MTIF2: variants seen among roughly 807,000 people sequenced by gnomAD.
MTIF2 encodes mitochondrial translational initiation factor 2.
A neutral mutation model predicts 83.5 loss-of-function variants in MTIF2; 71 were observed. The observed-to-expected ratio is 0.85, with a 90% confidence interval of 0.70 to 1.04. MTIF2 has a LOEUF of 1.04. Ranked by LOEUF, MTIF2 falls within the 50% of genes least tolerant of loss-of-function variation. The pLI is 0.00. For missense variants in MTIF2, 957 were observed against 846.5 expected (o/e 1.13, Z -1.62); for synonymous variants, 319 against 287.1 (o/e 1.11, Z -1.12).
At chr2:55,239,093 G>A (rs57681837) in intron 14 of MTIF2, among the ~76,000 whole-genome samples, 1 of 152,140 alleles carries the variant, frequency 6.6e-6, no homozygotes, top group African/African-American at 2.4e-5. Context: ...AATGGAGCTA[G>A]AGAGATATGA....
At chr2:55,252,120 AT>A (rs1677139304) in intron 8 of MTIF2, among the ~76,000 whole-genome samples, 1 of 152,236 alleles carries the variant, frequency 6.6e-6, no homozygotes, top group Non-Finnish European at 1.5e-5. Flanking sequence ...AAATAACAGA[AT>A]ATAACCACTA....
In MTIF2 at chr2:55,249,302, T is replaced by C. The variant is rs186142002; in HGVS notation, c.981+93A>G. 40 of 1,464,176 alleles carry C rather than the reference T, an allele frequency of 2.7e-5. No individual in the cohort carries two copies. The East Asian group carries it at 9.4e-4, about 34-fold the overall frequency. The allele number at this position is 1,464,176 out of a possible 1,614,324, so 90.7% of individuals were successfully genotyped here. A position where few individuals can be genotyped will look rare whatever the true frequency, so the allele number is the denominator to read the frequency against. On this transcript the variant is annotated intron_variant, in intron 9 of 15. Coordinates refer to ENST00000263629, the MANE Select transcript of MTIF2 (RefSeq NM_002453.3). ...AACTTTTTAAAAACAACACAAATTA[T>C]GTACATCAAAATGTTCTTTAGATGT... is the stretch of plus-strand genomic sequence containing the variant.
intron 2 of MTIF2, among the ~76,000 whole-genome samples, chr2:55,268,306 T>C (rs956953566): frequency 1.3e-5 from 2 of 152,188 alleles, no homozygotes; most frequent in African/African-American, 4.8e-5. Context: ...ACACATTAAA[T>C]ACTTCTAAGA....
rs1676492009 is a variant in MTIF2, at chr2:55,243,721, G to C, written c.1312-53C>G. The C allele has an allele frequency of 1.9e-5, 29 of 1,564,754 alleles. 1 individual carries two copies. In the Middle Eastern group the frequency reaches 5.1e-4, roughly 28 times the overall value. ...ATGAAATAGACATCAATAACTGCTA[G>C]ATTAAAGCCTTTGTGTTGTCCTGCA... On this transcript the variant is annotated intron_variant, in intron 11 of 15. Coordinates refer to ENST00000263629, the MANE Select transcript of MTIF2 (RefSeq NM_002453.3).
chr2:55,243,129 A>G, intron 12 of MTIF2, 49 bp from the exon 13 acceptor site: 3 of 1,515,818 alleles, frequency 2.0e-6, no homozygotes, highest in Non-Finnish European at 2.7e-6. Flanking sequence ...GTTAGACATC[A>G]GCAGACATAA....
intron 5 of MTIF2, among the ~76,000 whole-genome samples, chr2:55,255,376 T>TATATATATTTATATATAGTATTATATATA (rs1265615377): frequency 1.2e-4 from 17 of 147,288 alleles, no homozygotes; most frequent in East Asian, 1.9e-4. Context: ...AAAGATACTA[T>TATATATATTTATATATAGTATTATATATA]ATATATATTT....
chr2:55,244,154 C>A lies in MTIF2; in HGVS notation c.1186G>T (p.Val396Leu). Residue 396 changes from valine to leucine, a missense_variant, in exon 11 of 16, where the codon GTA becomes TTA. This residue lies in a region of MTIF2 where 733 missense variants were observed against 648.7 expected (regional missense o/e 1.13). Transcript: ENST00000263629. ...VLVAGKCWAK[V>L]RLMFDENGKT... ...CCATTTTCATCAAACATTAAGCGTA[C>A]TTTTGCCCAACATTTTCCAGCAACC... 1.2e-6 allele frequency: 2 copies of A among 1,614,130 alleles called. No homozygotes were observed. The highest frequency in any genetic ancestry group is 1.7e-6 in the Non-Finnish European group (2 of 1,180,004).
At chr2:55,268,298 A>C (rs1678587400) in intron 2 of MTIF2, among the ~76,000 whole-genome samples, 2 of 152,184 alleles carry the variant, frequency 1.3e-5, no homozygotes, top group South Asian at 2.1e-4. Context: ...GTATTTACAC[A>C]CATTAAATAC....
chr2:55,252,603 C>A lies in MTIF2; in HGVS notation c.715G>T (p.Ala239Ser), dbSNP rs1278716264. 3.1e-6 allele frequency: 5 copies of A among 1,614,136 alleles called. 1 individual carries two copies. In the South Asian group the frequency reaches 4.4e-5, roughly 14 times the overall value. Reference sequence around the variant, plus strand: ...CTGGCTCTCATTGCTGAGAAAGCAGCATGTCCTGGAGTATCAAGAAAAGTT... The same window carrying A: ...CTGGCTCTCATTGCTGAGAAAGCAGAATGTCCTGGAGTATCAAGAAAAGTT... ...KITFLDTPGHAAFSAMRARGA... is the reference protein window; with the variant it reads ...KITFLDTPGHSAFSAMRARGA... The change falls in exon 8 of 16, where the codon GCT becomes TCT. Residue 239 changes from alanine to serine, a missense_variant. Transcript: ENST00000263629.
intron 14 of MTIF2, 135 bp from the exon 15 acceptor site, chr2:55,237,563 C>T: frequency 3.2e-6 from 2 of 621,206 alleles, no homozygotes; most frequent in Non-Finnish European, 4.8e-6. Flanking sequence ...GTCTGGGTTT[C>T]TTTAACTCCA....
chr2:55,250,306 G>C (rs1253625592), intron 8 of MTIF2, among the ~76,000 whole-genome samples: 3 of 151,674 alleles, frequency 2.0e-5, no homozygotes, highest in Non-Finnish European at 4.4e-5. Context: ...GTGTTAAGTG[G>C]ACCCACACAG....
At chr2:55,242,700 G>A (rs1267942886) in intron 13 of MTIF2, among the ~76,000 whole-genome samples, 5 of 152,104 alleles carry the variant, frequency 3.3e-5, no homozygotes, top group African/African-American at 9.7e-5. Flanking sequence ...AAAGATAAAC[G>A]TGACCAGGTC....
At chr2:55,264,002 C>T (rs1168226117) in intron 3 of MTIF2, 137 bp from the exon 4 acceptor site, 2 of 649,722 alleles carry the variant, frequency 3.1e-6, no homozygotes, top group African/African-American at 3.7e-5. Flanking sequence ...GGGTTCCTGC[C>T]CTGAAAAATC....
At chr2:55,249,672 C>T (rs1241498115) in intron 8 of MTIF2, 138 bp from the exon 9 acceptor site, 3 of 937,578 alleles carry the variant, frequency 3.2e-6, no homozygotes, top group Admixed American at 2.7e-5. Flanking sequence ...GCCAAAATGA[C>T]CCACTTTAGA....
intron 3 of MTIF2, chr2:55,266,562 A>G (rs1436444509): frequency 6.7e-6 from 1 of 149,614 alleles, no homozygotes; most frequent in Non-Finnish European, 1.5e-5. Flanking sequence ...GATTTATCTC[A>G]TAATATGGCA....
chr2:55,252,639 C>G lies in MTIF2; in HGVS notation c.679G>C (p.Gly227Arg). ...GTATCAAGAAAAGTTATCTTTTCCC[C>G]AGAAGGCAGAGAGACTGTGGAAACA... ...IGAFLVSLPS[G>R]EKITFLDTPG... Residue 227 changes from glycine (G) to arginine (R), a missense_variant, in exon 8 of 16, where the codon GGG becomes CGG. By Grantham distance (125) the Gly-to-Arg change is moderately radical (BLOSUM62 -2). Coordinates refer to ENST00000263629, the MANE Select transcript of MTIF2 (RefSeq NM_002453.3). 1 of 1,612,864 alleles carries G rather than the reference C, an allele frequency of 6.2e-7. No individual in the cohort carries two copies. Among genetic ancestry groups the G allele is most frequent in the Non-Finnish European group, 8.5e-7 (1 of 1,179,228 alleles).
chr2:55,247,185 A>G (rs529563226), intron 9 of MTIF2, among the ~76,000 whole-genome samples: 1 of 152,200 alleles, frequency 6.6e-6, no homozygotes, highest in Non-Finnish European at 1.5e-5. Flanking sequence ...TGGTGATGGA[A>G]ATGGAACTGA....
At chr2:55,262,265 C>T (rs780349213) in intron 5 of MTIF2, 51 bp downstream of exon 5, 48 of 1,252,754 alleles carry the variant, frequency 3.8e-5, no homozygotes, top group African/African-American at 1.6e-4. Context: ...AAATAAAATG[C>T]CCGGTCTTCC....
chr2:55,267,538 G>T, intron 3 of MTIF2, 31 bp downstream of exon 3: 1 of 165,468 alleles, frequency 6.0e-6, no homozygotes. Context: ...TATCTTATTA[G>T]GCAACAAAGG....
Sources: gnomAD v4.1 joint callset for allele counts (sites outside exome capture counted in the v4.1 genomes callset) on GRCh38, gnomAD v4.1.1 for gene constraint, gnomAD v4.1.1 regional missense constraint, MANE v1.5 for transcripts, NCBI Gene and HGNC (gene_info 2026-07-23, HGNC 2026-07-21) for gene names.